The following APC variants were observed in gnomAD, a reference collection of about 807,000 sequenced individuals.
APC encodes APC regulator of Wnt signaling pathway.
A neutral mutation model predicts 247.0 loss-of-function variants in APC; 72 were observed. The observed-to-expected ratio is 0.29, with a 90% confidence interval of 0.24 to 0.35. The LOEUF is 0.35. Among genes scored for constraint, APC ranks in the 10% least tolerant of loss-of-function variants. The pLI is 1.00. For missense variants in APC, 3,400 were observed against 3,360.7 expected, an observed-to-expected ratio of 1.01 and a Z score of -0.29; for synonymous variants, 1,254 against 1,162.5, an observed-to-expected ratio of 1.08 and a Z score of -1.60.
At chr5:112,835,517 CAGAGAATATAA>C (rs767068566) in intron 15 of APC, among the ~76,000 whole-genome samples, 46 of 151,024 alleles carry the variant, frequency 3.0e-4, no homozygotes, top group Non-Finnish European at 1.6e-4. Flanking sequence ...GAGCGTGATC[CAGAGAATATAA>C]AGGTTCACAT....
At chr5:112,739,316 C>T (rs1444649035) in intron 1 of APC, among the ~76,000 whole-genome samples, 2 of 152,124 alleles carry the variant, frequency 1.3e-5, no homozygotes, top group African/African-American at 4.8e-5. Context: ...CTCCCCACTC[C>T]CTGAACAAGG....
At chr5:112,762,362 A>C (rs1755766832) in intron 2 of APC, among the ~76,000 whole-genome samples, 1 of 152,226 alleles carries the variant, frequency 6.6e-6, no homozygotes, top group African/African-American at 2.4e-5. Context: ...AAGTGAGGGC[A>C]AGTGTCCACT....
chr5:112,728,665 A>G (rs929821207), intron 1 of APC, among the ~76,000 whole-genome samples: 1 of 151,994 alleles, frequency 6.6e-6, no homozygotes, highest in Non-Finnish European at 1.5e-5. Context: ...TGTCAACATC[A>G]TAGAATTTAT....
At chr5:112,825,629 A>G (rs1462928631) in intron 11 of APC, among the ~76,000 whole-genome samples, 1 of 152,246 alleles carries the variant, frequency 6.6e-6, no homozygotes, top group African/African-American at 2.4e-5. Context: ...AGGCAGGAGA[A>G]TCACTTGAAC....
chr5:112,753,023 C>G (rs1754552118), intron 1 of APC, among the ~76,000 whole-genome samples: 1 of 152,078 alleles, frequency 6.6e-6, no homozygotes. Flanking sequence ...TAAACTTGTG[C>G]ATGCCCATTT....
intron 1 of APC, among the ~76,000 whole-genome samples, chr5:112,749,484 T>TA (rs1754059308): frequency 7.1e-6 from 1 of 140,082 alleles, no homozygotes; most frequent in African/African-American, 2.9e-5. Flanking sequence ...CTCCAATTTT[T>TA]TTTTTTTTTT....
chr5:112,833,619 C>A (rs1764547764), intron 14 of APC, among the ~76,000 whole-genome samples: 1 of 152,138 alleles, frequency 6.6e-6, no homozygotes, highest in Non-Finnish European at 1.5e-5. Context: ...CCACCACACC[C>A]AGCACATGGC....
At chr5:112,749,332 T>C (rs551115301) in intron 1 of APC, among the ~76,000 whole-genome samples, 2 of 152,196 alleles carry the variant, frequency 1.3e-5, no homozygotes, top group Admixed American at 6.5e-5. Flanking sequence ...AAATATTTGC[T>C]ATTTTTCCAT....
intron 1 of APC, among the ~76,000 whole-genome samples, chr5:112,753,755 G>A (rs1754646135): frequency 6.6e-6 from 1 of 152,140 alleles, no homozygotes. Flanking sequence ...GTCGTGACTA[G>A]CCAGTGTTAC....
chr5:112,790,982 T>C (rs80137954), intron 6 of APC, among the ~76,000 whole-genome samples: 49 of 152,326 alleles, frequency 3.2e-4, no homozygotes, highest in African/African-American at 1.1e-3. Context: ...TCAATAACTA[T>C]AGAATTATTA....
At chr5:112,800,366 C>CT (rs1760680622) in intron 7 of APC, among the ~76,000 whole-genome samples, 1 of 152,104 alleles carries the variant, frequency 6.6e-6, no homozygotes, top group Non-Finnish European at 1.5e-5. Context: ...TTACTGAGTG[C>CT]TACCTCACTT....
intron 4 of APC, among the ~76,000 whole-genome samples, chr5:112,772,472 C>T (rs7722209): frequency 0.028 from 4,201 of 152,042 alleles, 188 homozygotes; most frequent in African/African-American, 0.096. Context: ...TCAACACTGC[C>T]ACTGACATTG....
chr5:112,828,724 C>T, intron 13 of APC, 132 bp from the exon 14 acceptor site: 1 of 658,786 alleles, frequency 1.5e-6, no homozygotes, highest in Admixed American at 2.3e-5. Flanking sequence ...GATAGGATTA[C>T]AGGCGTGAGT....
In APC at chr5:112,838,946, A is replaced by G. The variant is rs140493115; in HGVS notation, c.3352A>G (p.Asn1118Asp). ...NGSETNRVGSNHGINQNVSQS... is the reference protein window; with the variant it reads ...NGSETNRVGSDHGINQNVSQS... ...TTCAGAAACAAATCGAGTGGGTTCTAATCATGGAATTAATCAAAATGTAAG... is the reference window on the plus strand; with the variant it reads ...TTCAGAAACAAATCGAGTGGGTTCTGATCATGGAATTAATCAAAATGTAAG... The change falls in exon 16 of 16, where the codon AAT becomes GAT. Residue 1118 changes from asparagine to aspartate, a missense_variant. Around this residue, in one of 9 missense-constraint regions of APC, gnomAD observed 715 missense variants for 656.6 expected, o/e 1.09. Coordinates refer to ENST00000257430, the MANE Select transcript of APC (RefSeq NM_000038.6). The G allele has an allele frequency of 2.2e-4, 349 of 1,614,040 alleles. 3 individuals are homozygous for G. The highest frequency in any genetic ancestry group is 3.2e-5 in the Non-Finnish European group (38 of 1,180,038).
At chr5:112,760,296 C>G (rs1581139394) in intron 2 of APC, among the ~76,000 whole-genome samples, 1 of 152,144 alleles carries the variant, frequency 6.6e-6, no homozygotes, top group Non-Finnish European at 1.5e-5. Context: ...ATGCATGGCT[C>G]ATTTTTACCA....
Position 112,823,939 on chromosome 5 carries a change from C to T in APC, c.1408+1948C>T, listed in dbSNP as rs189065713. Among the ~76,000 whole-genome samples, 35 of 152,246 alleles carry T rather than the reference C, an allele frequency of 2.3e-4. No individual in the cohort carries two copies. In the South Asian group the frequency reaches 7.1e-3, roughly 31 times the overall value. Reference sequence around the variant, plus strand: ...AAGTGGCCTGGCTGATTCTTATGTTCGGGAAATTTTGTGAAACACCAGTAG... The same window carrying T: ...AAGTGGCCTGGCTGATTCTTATGTTTGGGAAATTTTGTGAAACACCAGTAG... On this transcript the variant is annotated intron_variant, in intron 11 of 15. Transcript: ENST00000257430.
chr5:112,783,694 C>T (rs1205265579), intron 6 of APC: 7 of 227,644 alleles, frequency 3.1e-5, no homozygotes, highest in Non-Finnish European at 5.8e-5. Flanking sequence ...ACTTGGGAGG[C>T]TGAGGCTGAG....
Position 112,840,977 on chromosome 5 carries a change from T to C in APC, c.5383T>C (p.Ser1795Pro), listed in dbSNP as rs2149938817. 6.2e-7 allele frequency: 1 copy of C among 1,612,536 alleles called. No homozygotes were observed. The highest frequency in any genetic ancestry group is 1.7e-5 in the Admixed American group (1 of 59,818). The stretch of plus-strand genomic sequence containing the variant: ...GACACGTGTAAGAAAAAATGCAGAC[T>C]CAAAAAATAATTTAAATGCTGAGAG... ...YRTRVRKNADSKNNLNAERVF... is the reference protein window; with the variant it reads ...YRTRVRKNADPKNNLNAERVF... Residue 1795 changes from serine to proline, a missense_variant, in exon 16 of 16, where the codon TCA becomes CCA. Transcript: ENST00000257430. The surrounding 1 kb of genome is among the most constrained non-coding windows in gnomAD (Gnocchi z 4.1).
At chr5:112,828,820 T>A in intron 13 of APC, 36 bp from the exon 14 acceptor site, 1 of 1,439,390 alleles carries the variant, frequency 6.9e-7, no homozygotes, top group Non-Finnish European at 9.8e-7. Flanking sequence ...AGTATGATTT[T>A]ATGTATAAAT....
Sources: allele counts gnomAD v4.1 joint callset (sites outside exome capture counted in the v4.1 genomes callset), GRCh38; gene constraint gnomAD v4.1.1; regional missense constraint gnomAD v4.1.1; non-coding constraint Gnocchi (gnomAD v3.1); transcripts MANE v1.5; gene names NCBI Gene and HGNC (gene_info 2026-07-23, HGNC 2026-07-21).